IQSEC3: variants seen among roughly 807,000 people sequenced by gnomAD.
IQSEC3 encodes the protein IQ motif and SEC7 domain-containing protein 3.
IQSEC3 carries 50 observed loss-of-function variants against 105.4 expected under a neutral mutation model. The ratio of observed to expected loss-of-function variants is 0.47; its 90% CI spans 0.38 to 0.60. The LOEUF (loss-of-function observed/expected upper bound fraction) is 0.60, where lower values mean the gene tolerates loss of function less well. Ranked by LOEUF, IQSEC3 falls within the 20% of genes least tolerant of loss-of-function variation. IQSEC3 has a pLI of 0.00. For synonymous variants in IQSEC3, 708 were observed against 746.0 expected, an observed-to-expected ratio of 0.95 and a Z score of 0.83; for missense variants, 1,415 against 1,630.0, an observed-to-expected ratio of 0.87 and a Z score of 2.27.
rs1204139578 is a variant in IQSEC3, at chr12:68,628, G to C, written c.554+1192G>C. ...GAACAGTTCAAGGGAAATTGTCCCTGGTCAGCACCTGACCTTGACAATGGT... is the reference window on the plus strand; with the variant it reads ...GAACAGTTCAAGGGAAATTGTCCCTCGTCAGCACCTGACCTTGACAATGGT... On this transcript the variant is annotated intron_variant, in intron 1 of 13. Coordinates refer to ENST00000538872, the MANE Select transcript of IQSEC3 (RefSeq NM_001170738.2). 2.6e-5 allele frequency among the ~76,000 whole-genome samples: 4 copies of C among 152,396 alleles called. No homozygotes were observed. In the East Asian group the frequency reaches 7.7e-4, roughly 29 times the overall value.
At chr12:121,399 T>C (rs1865213508) in intron 2 of IQSEC3, among the ~76,000 whole-genome samples, 1 of 152,240 alleles carries the variant, frequency 6.6e-6, no homozygotes, top group Non-Finnish European at 1.5e-5. Context: ...GGACATGCTC[T>C]TGATGCTCAG....
intron 5 of IQSEC3, among the ~76,000 whole-genome samples, chr12:150,729 G>A (rs919300836): frequency 6.6e-6 from 1 of 152,186 alleles, no homozygotes; most frequent in Non-Finnish European, 1.5e-5. Flanking sequence ...TGCTTGAGTG[G>A]AGCAGGTTGA....
intron 2 of IQSEC3, among the ~76,000 whole-genome samples, chr12:101,905 C>T (rs1314689226): frequency 1.3e-5 from 2 of 152,190 alleles, no homozygotes; most frequent in Non-Finnish European, 2.9e-5. Context: ...AACCTCATCC[C>T]TTCCCCTAGC....
At chr12:104,914 C>T (rs1419484868) in intron 2 of IQSEC3, among the ~76,000 whole-genome samples, 2 of 152,278 alleles carry the variant, frequency 1.3e-5, no homozygotes, top group Non-Finnish European at 2.9e-5. Flanking sequence ...AATTCTCAGT[C>T]GATACAGTTA....
intron 1 of IQSEC3, among the ~76,000 whole-genome samples, chr12:80,172 C>T (rs1863696445): frequency 2.0e-5 from 3 of 152,310 alleles, no homozygotes; most frequent in Middle Eastern, 6.8e-3. Context: ...GAACTTGCCT[C>T]TCTGGCTGAC....
chr12:91,880 A>C (rs782145770), intron 1 of IQSEC3, among the ~76,000 whole-genome samples: 4 of 152,106 alleles, frequency 2.6e-5, no homozygotes, highest in African/African-American at 4.8e-5. Flanking sequence ...AGTGCAGACC[A>C]TTGACTCCCA....
chr12:130,688 T>C (rs904673), intron 3 of IQSEC3, among the ~76,000 whole-genome samples: 62,940 of 152,076 alleles, frequency 0.41, 13,296 homozygotes, highest in South Asian at 0.59. Context: ...CTCAACGCCC[T>C]GCGTGTCAAG....
At chr12:116,437 T>A (rs1358825352) in intron 2 of IQSEC3, among the ~76,000 whole-genome samples, 1 of 152,126 alleles carries the variant, frequency 6.6e-6, no homozygotes, top group Non-Finnish European at 1.5e-5. Flanking sequence ...ATCCCCGGCA[T>A]TTCCGTGAGC....
intron 2 of IQSEC3, among the ~76,000 whole-genome samples, chr12:125,014 T>C (rs1388227307): frequency 1.3e-5 from 2 of 152,060 alleles, no homozygotes; most frequent in African/African-American, 4.8e-5. Context: ...TCCACCCCCC[T>C]GGAAAGGCTT....
intron 4 of IQSEC3, chr12:140,858 C>G (rs1555088956): frequency 2.3e-6 from 1 of 432,886 alleles, no homozygotes; most frequent in Non-Finnish European, 4.1e-6. Context: ...GGGGTAAGAC[C>G]CAGGAGGCAG....
At chr12:171,543 A>C in intron 13 of IQSEC3, 2 of 589,682 alleles carry the variant, frequency 3.4e-6, no homozygotes, top group Non-Finnish European at 6.0e-6. Context: ...AAGACCCCAC[A>C]TCCCGTTCCC....
chr12:107,908 G>A (rs1234280093), intron 2 of IQSEC3, among the ~76,000 whole-genome samples: 4 of 152,004 alleles, frequency 2.6e-5, no homozygotes, highest in Non-Finnish European at 4.4e-5. Flanking sequence ...TTATCATTTC[G>A]GTCCCATCAG....
chr12:67,528 G>A (rs1448930761), intron 1 of IQSEC3, 92 bp downstream of exon 1: 1 of 1,385,462 alleles, frequency 7.2e-7, no homozygotes, highest in Non-Finnish European at 9.6e-7. Context: ...GTGCGTAGGA[G>A]TCTAAAGGAC....
intron 1 of IQSEC3, among the ~76,000 whole-genome samples, chr12:72,855 T>C (rs1356555127): frequency 2.5e-5 from 3 of 117,982 alleles, no homozygotes; most frequent in African/African-American, 9.2e-5. Context: ...CCATCCTAGC[T>C]AACATGGTAA....
chr12:74,636 C>A (rs1273531009), intron 1 of IQSEC3, among the ~76,000 whole-genome samples: 1 of 152,268 alleles, frequency 6.6e-6, no homozygotes, highest in Non-Finnish European at 1.5e-5. Context: ...AAGTCCCTGC[C>A]CAGAGAAGGG....
chr12:111,380 C>T (rs782227083), intron 2 of IQSEC3, among the ~76,000 whole-genome samples: 20 of 152,136 alleles, frequency 1.3e-4, no homozygotes, highest in Non-Finnish European at 2.9e-4. Flanking sequence ...AGGACTATCC[C>T]TTCAAACCTG....
chr12:136,248 C>A (rs1204775273), intron 3 of IQSEC3, among the ~76,000 whole-genome samples: 3 of 145,418 alleles, frequency 2.1e-5, no homozygotes, highest in Non-Finnish European at 3.1e-5. Flanking sequence ...AGAATGATGT[C>A]CCCAGGTTTG....
At chr12:109,676 A>G (rs782366188) in intron 2 of IQSEC3, among the ~76,000 whole-genome samples, 20 of 151,812 alleles carry the variant, frequency 1.3e-4, no homozygotes, top group Non-Finnish European at 1.6e-4. Flanking sequence ...ACCCTTTCCC[A>G]GCACCTCCTT....
At chr12:106,387 T>A (rs1864652247) in intron 2 of IQSEC3, 1 of 152,238 alleles carries the variant, frequency 6.6e-6, no homozygotes, top group Admixed American at 6.5e-5. Context: ...AGCGGGTGGC[T>A]GAGAGCACAT....
Sources: gnomAD v4.1 joint callset for allele counts (sites outside exome capture counted in the v4.1 genomes callset) on GRCh38, gnomAD v4.1.1 for gene constraint, MANE v1.5 for transcripts, NCBI Gene and HGNC (gene_info 2026-07-23, HGNC 2026-07-21) for gene names.